Variants in GPHN observed in about 807,000 individuals in gnomAD.
GPHN encodes gephyrin.
Under a neutral mutation model 95.5 loss-of-function variants are expected in GPHN, and 17 were observed. The observed-to-expected ratio is 0.18, with a 90% CI of 0.12 to 0.27. The LOEUF is 0.27. Among genes scored for constraint, GPHN ranks in the 10% least tolerant of loss-of-function variants. The probability of loss-of-function intolerance (pLI) is 1.00; values close to 1 mark genes in which losing one functional copy is unlikely to be tolerated. For missense variants in GPHN, 660 were observed against 978.1 expected (o/e 0.67, Z 4.34); for synonymous variants, 320 against 322.5 (o/e 0.99, Z 0.08).
At chr14:66,711,947 T>C (rs529873569) in intron 2 of GPHN, among the ~76,000 whole-genome samples, 17 of 152,310 alleles carry the variant, frequency 1.1e-4, no homozygotes, top group African/African-American at 4.1e-4. Context: ...TGCATAGTAT[T>C]CCATGATGTA....
chr14:66,777,327 A>G (rs1434114481), intron 3 of GPHN, among the ~76,000 whole-genome samples: 5 of 152,220 alleles, frequency 3.3e-5, no homozygotes, highest in Non-Finnish European at 7.3e-5. Flanking sequence ...TCTGGCAATA[A>G]TCAGTAGCCT....
chr14:67,445,049 C>T, the GPHN span, among the ~76,000 whole-genome samples: 1 of 152,204 alleles, frequency 6.6e-6, no homozygotes, highest in Non-Finnish European at 1.5e-5. Flanking sequence ...GCATGAGCTA[C>T]CATGCCTGGC....
rs114858549 is a variant in GPHN, at chr14:67,069,707, C to T, written c.1144+10921C>T. 3.1e-3 allele frequency among the ~76,000 whole-genome samples: 467 copies of T among 152,288 alleles called. 5 individuals carry two copies. The highest frequency in any genetic ancestry group is 0.011 in the African/African-American group (449 of 41,562). On this transcript the variant is annotated intron_variant, in intron 11 of 22. Coordinates refer to ENST00000478722, the MANE Select transcript of GPHN (RefSeq NM_020806.5). Reference sequence around the variant, plus strand: ...AAGACAGCAAAAGCTAAAATTGGCTCAACTCCATTTGTTGGCCTGCATCTG... The same window carrying T: ...AAGACAGCAAAAGCTAAAATTGGCTTAACTCCATTTGTTGGCCTGCATCTG...
intron 16 of GPHN, among the ~76,000 whole-genome samples, chr14:67,117,633 G>A (rs916598034): frequency 6.6e-6 from 1 of 152,080 alleles, no homozygotes; most frequent in Non-Finnish European, 1.5e-5. Flanking sequence ...ACAAAACTAA[G>A]AAAAGTTCTT....
chr14:66,562,306 A>C (rs370227108), intron 1 of GPHN, among the ~76,000 whole-genome samples: 53 of 152,288 alleles, frequency 3.5e-4, no homozygotes, highest in Middle Eastern at 6.8e-3. Context: ...AAAATTATTC[A>C]GACAGTAGGT....
the GPHN span, chr14:67,447,794 G>C: frequency 1.3e-5 from 2 of 152,210 alleles, no homozygotes; most frequent in Admixed American, 1.3e-4. Context: ...CTACAGTTAA[G>C]TGAGGCTATG....
chr14:67,210,684 A>G, the GPHN span, among the ~76,000 whole-genome samples: 1 of 151,838 alleles, frequency 6.6e-6, no homozygotes. Flanking sequence ...TCTAGGATGC[A>G]TTCATTGGGA....
chr14:66,701,613 G>A (rs1343742088), intron 2 of GPHN, among the ~76,000 whole-genome samples: 2 of 152,180 alleles, frequency 1.3e-5, no homozygotes, highest in African/African-American at 2.4e-5. Context: ...GAGTGAGCCT[G>A]CTAACCAGCT....
At chr14:67,245,964 CTTAT>C in the GPHN span, among the ~76,000 whole-genome samples, 4 of 151,756 alleles carry the variant, frequency 2.6e-5, no homozygotes, top group East Asian at 3.9e-4. Context: ...AGTTGTTTCA[CTTAT>C]TTGTTTGTCC....
At chr14:67,156,064 C>CTG (rs1169370558) in intron 18 of GPHN, among the ~76,000 whole-genome samples, 1 of 152,122 alleles carries the variant, frequency 6.6e-6, no homozygotes, top group Non-Finnish European at 1.5e-5. Context: ...CAAACAAAAA[C>CTG]TGTGCGGACC....
At chr14:67,258,221 A>G in the GPHN span, among the ~76,000 whole-genome samples, 4 of 152,112 alleles carry the variant, frequency 2.6e-5, no homozygotes, top group African/African-American at 9.7e-5. Flanking sequence ...AGTTGAGAAG[A>G]TAAGGTACTC....
At chr14:67,486,225 T>C in the GPHN span, among the ~76,000 whole-genome samples, 1 of 152,368 alleles carries the variant, frequency 6.6e-6, no homozygotes, top group East Asian at 1.9e-4. Flanking sequence ...GCCAGGTCTT[T>C]CTCATGCTGT....
At chr14:66,578,702 G>GA (rs1428883717) in intron 1 of GPHN, among the ~76,000 whole-genome samples, 1,387 of 80,840 alleles carry the variant, frequency 0.017, 20 homozygotes, top group African/African-American at 0.058. Context: ...CTCAAAGAAA[G>GA]AAAAAAAAAA....
intron 4 of GPHN, among the ~76,000 whole-genome samples, chr14:66,857,826 A>G (rs1379470558): frequency 2.6e-5 from 4 of 152,200 alleles, no homozygotes; most frequent in East Asian, 3.9e-4. Context: ...AACTGGCTGC[A>G]TGGCATGGAG....
chr14:66,814,915 A>G (rs1028216014), intron 3 of GPHN, among the ~76,000 whole-genome samples: 2 of 152,194 alleles, frequency 1.3e-5, no homozygotes, highest in African/African-American at 2.4e-5. Flanking sequence ...AAAAATCATG[A>G]TAAAACATGG....
intron 9 of GPHN, among the ~76,000 whole-genome samples, chr14:67,003,899 C>G (rs957014519): frequency 6.6e-6 from 1 of 151,484 alleles, no homozygotes; most frequent in Non-Finnish European, 1.5e-5. Flanking sequence ...AGATATGTGA[C>G]TGACTGTGAT....
chr14:67,572,968 G>A, the GPHN span, among the ~76,000 whole-genome samples: 26 of 152,092 alleles, frequency 1.7e-4, no homozygotes, highest in Non-Finnish European at 3.5e-4. Flanking sequence ...GCTCAGGGCC[G>A]GCTCTCTCCT....
chr14:66,615,421 G>A (rs1323520062), intron 1 of GPHN, among the ~76,000 whole-genome samples: 2 of 149,216 alleles, frequency 1.3e-5, no homozygotes, highest in Non-Finnish European at 3.0e-5. Flanking sequence ...GCATGAGATG[G>A]TATCTCATTG....
the GPHN span, among the ~76,000 whole-genome samples, chr14:67,373,714 G>A: frequency 4.6e-5 from 7 of 152,138 alleles, no homozygotes; most frequent in Admixed American, 6.5e-5. Flanking sequence ...ACTGGGGGGC[G>A]CTGTGGGAAA....
Sources: gnomAD v4.1 joint callset for allele counts (sites outside exome capture counted in the v4.1 genomes callset) on GRCh38, gnomAD v4.1.1 for gene constraint, MANE v1.5 for transcripts, NCBI Gene and HGNC (gene_info 2026-07-23, HGNC 2026-07-21) for gene names.